The following TMEM268 variants were observed in gnomAD, a reference collection of about 807,000 sequenced individuals.
TMEM268 encodes the protein transmembrane protein C9orf91.
A neutral mutation model predicts 39.1 loss-of-function variants in TMEM268; 24 were observed. The ratio of observed to expected loss-of-function variants is 0.61; its 90% CI spans 0.44 to 0.86. TMEM268 has a LOEUF of 0.86. TMEM268 is among the 40% of genes least tolerant of loss of function. TMEM268 has a pLI of 0.00. For missense variants in TMEM268, 409 were observed against 428.6 expected (o/e 0.95, Z 0.40); for synonymous variants, 176 against 173.5 (o/e 1.01, Z -0.12).
chr9:114,631,187 C>T (rs117999135), intron 5 of TMEM268, among the ~76,000 whole-genome samples: 2,321 of 150,746 alleles, frequency 0.015, 28 homozygotes, highest in Non-Finnish European at 0.024. Flanking sequence ...GGCACATGCC[C>T]ATAGTCCTGG....
intron 5 of TMEM268, among the ~76,000 whole-genome samples, chr9:114,631,292 A>G (rs1395518446): frequency 1.7e-3 from 34 of 20,276 alleles, no homozygotes; most frequent in African/African-American, 4.4e-3. Context: ...CAAAAAAAAA[A>G]AAAAAAAAAA....
At chr9:114,604,702 G>A in the TMEM268 span, among the ~76,000 whole-genome samples, 2 of 151,936 alleles carry the variant, frequency 1.3e-5, no homozygotes, top group African/African-American at 4.8e-5. Flanking sequence ...GAATGGGGGA[G>A]AGGAGAGGGA....
At chr9:114,631,788 C>T (rs926551802) in intron 5 of TMEM268, among the ~76,000 whole-genome samples, 1 of 152,088 alleles carries the variant, frequency 6.6e-6, no homozygotes, top group East Asian at 1.9e-4. Flanking sequence ...ATTCAGTGTA[C>T]ATTAAACTCA....
chr9:114,619,293 G>GCGCA (rs1845852721), intron 2 of TMEM268, among the ~76,000 whole-genome samples: 1 of 150,294 alleles, frequency 6.7e-6, no homozygotes, highest in South Asian at 2.1e-4. Context: ...GTGCACGCGT[G>GCGCA]CACACACACA....
chr9:114,606,924 C>T (rs2133569343), upstream of TMEM268, among the ~76,000 whole-genome samples: 1 of 152,182 alleles, frequency 6.6e-6, no homozygotes, highest in African/African-American at 2.4e-5. Context: ...TGCCTTTTCA[C>T]TTACTCATCC....
At chr9:114,640,945 C>T (rs572944481) in intron 8 of TMEM268, among the ~76,000 whole-genome samples, 5 of 151,942 alleles carry the variant, frequency 3.3e-5, no homozygotes, top group South Asian at 4.2e-4. Context: ...GTGTGATCTC[C>T]GCTCACTGCA....
intron 5 of TMEM268, among the ~76,000 whole-genome samples, chr9:114,628,848 A>T (rs1414667179): frequency 6.6e-6 from 1 of 152,218 alleles, no homozygotes; most frequent in East Asian, 1.9e-4. Flanking sequence ...TTCCGAAAGG[A>T]GGTGGATACC....
intron 1 of TMEM268, among the ~76,000 whole-genome samples, chr9:114,614,765 G>C (rs1041700948): frequency 6.6e-6 from 1 of 152,186 alleles, no homozygotes; most frequent in African/African-American, 2.4e-5. Context: ...ATTTTCCTTG[G>C]TGAGGGGTGA....
chr9:114,608,986 A>C (rs1006268415), upstream of TMEM268, among the ~76,000 whole-genome samples: 17 of 152,048 alleles, frequency 1.1e-4, no homozygotes, highest in African/African-American at 3.9e-4. Context: ...AGAGTTTCCC[A>C]ACAATTTGGA....
In TMEM268 at chr9:114,643,122, T is replaced by G; in HGVS notation, c.850-12T>G. The G allele has an allele frequency of 3.1e-6, 5 of 1,614,014 alleles. No homozygotes were observed. Among genetic ancestry groups the G allele is most frequent in the South Asian group, 1.1e-5 (1 of 91,076 alleles). ...CCCTGTGGTATTCAATCTGCTTCCC[T>G]GCCTCTTCTAGGAAATGGCCCGCCA... is the stretch of plus-strand genomic sequence containing the variant. On this transcript the variant is annotated splice_polypyrimidine_tract_variant and intron_variant, in intron 8 of 8. Coordinates refer to ENST00000288502, the MANE Select transcript of TMEM268 (RefSeq NM_153045.4).
intron 3 of TMEM268, 67 bp from the exon 4 acceptor site, chr9:114,626,832 A>G (rs1447387087): frequency 4.2e-6 from 5 of 1,191,724 alleles, no homozygotes; most frequent in Non-Finnish European, 6.2e-6. Flanking sequence ...CTTCCACATG[A>G]TAGTCACATG....
chr9:114,628,251 G>A lies in TMEM268; in HGVS notation c.474+1G>A. ...GGTCTTTGAAAGACACCAGAAGAAG[G>A]TGAGATGTCTGGAGATCCCTGCCAC... On this transcript the variant is annotated splice_donor_variant, in intron 5 of 8. Transcript: ENST00000288502. LOFTEE classifies it high-confidence loss of function. The A allele has an allele frequency of 6.2e-7, 1 of 1,613,646 alleles. No homozygotes were observed. Among genetic ancestry groups the A allele is most frequent in the Non-Finnish European group, 8.5e-7 (1 of 1,179,868 alleles).
intron 5 of TMEM268, among the ~76,000 whole-genome samples, chr9:114,631,779 T>C (rs2900587): frequency 0.69 from 104,707 of 152,036 alleles, 36,224 homozygotes; most frequent in East Asian, 0.73. Flanking sequence ...TCCTGGAAAA[T>C]TCAGTGTACA....
upstream of TMEM268, among the ~76,000 whole-genome samples, chr9:114,608,047 T>C (rs960055349): frequency 2.1e-4 from 32 of 152,164 alleles, no homozygotes; most frequent in Admixed American, 1.4e-3. Context: ...GGATTCAAGA[T>C]GATCACTACT....
At chr9:114,610,906 C>G (rs1353242755), upstream of TMEM268, among the ~76,000 whole-genome samples, 1 of 152,186 alleles carries the variant, frequency 6.6e-6, no homozygotes, top group Non-Finnish European at 1.5e-5. Flanking sequence ...AACAATACAG[C>G]ACATACACAA....
intron 8 of TMEM268, among the ~76,000 whole-genome samples, chr9:114,640,254 A>G (rs1426371682): frequency 6.6e-6 from 1 of 152,124 alleles, no homozygotes; most frequent in East Asian, 1.9e-4. Flanking sequence ...CAATAGTAAT[A>G]TAATTTCCTA....
At chr9:114,639,692 G>A (rs897082653) in intron 8 of TMEM268, among the ~76,000 whole-genome samples, 2 of 151,654 alleles carry the variant, frequency 1.3e-5, no homozygotes, top group African/African-American at 4.8e-5. Flanking sequence ...TGTGCTGGTG[G>A]GCAGTAGGAA....
In TMEM268 at chr9:114,643,417, T is replaced by TGG; in HGVS notation, c.*108_*109dup. 1 of 1,013,250 alleles carries TGG rather than the reference T, an allele frequency of 9.9e-7. No homozygotes were observed. The highest frequency in any genetic ancestry group is 2.3e-5 in the Admixed American group (1 of 43,884). The allele number at this position is 1,013,250 out of a possible 1,614,324, so 62.8% of individuals were successfully genotyped here. A position where few individuals can be genotyped will look rare whatever the true frequency, so the allele number is the denominator to read the frequency against. On this transcript the variant is annotated 3_prime_UTR_variant, in exon 9 of 9. Transcript: ENST00000288502. Reference sequence around the variant, plus strand: ...AGCCCCAGGTGAGGAGAGAAGCATCTGGGGGCACTCCAAAAGGGGCCTGTG... The same window carrying TGG: ...AGCCCCAGGTGAGGAGAGAAGCATCTGGGGGGGCACTCCAAAAGGGGCCTGTG...
At chr9:114,611,670 CGTTCGGGCCAGACGGCCTGG>C (rs1228423187) in intron 1 of TMEM268, 106 bp downstream of exon 1, 2 of 153,048 alleles carry the variant, frequency 1.3e-5, no homozygotes, top group Admixed American at 6.6e-5. Context: ...CCTTGGCCTG[CGTTCGGGCCAGACGGCCTGG>C]GTTCGGCGCG....
Sources: gnomAD v4.1 joint callset for allele counts (sites outside exome capture counted in the v4.1 genomes callset) on GRCh38, gnomAD v4.1.1 for gene constraint, MANE v1.5 for transcripts, NCBI Gene and HGNC (gene_info 2026-07-23, HGNC 2026-07-21) for gene names.